Variants in ROCK2 observed in about 807,000 individuals in gnomAD.
ROCK2 encodes Rho associated coiled-coil containing protein kinase 2.
A neutral mutation model predicts 195.1 loss-of-function variants in ROCK2; 61 were observed. The ratio of observed to expected loss-of-function variants is 0.31; its 90% CI spans 0.25 to 0.39. ROCK2 has a LOEUF of 0.39. Among genes scored for constraint, ROCK2 ranks in the 10% least tolerant of loss-of-function variants. The probability of loss-of-function intolerance (pLI) is 1.00; values close to 1 mark genes in which losing one functional copy is unlikely to be tolerated. For synonymous variants in ROCK2, 504 were observed against 545.5 expected (o/e 0.92, Z 1.06); for missense variants, 1,109 against 1,637.4 (o/e 0.68, Z 5.57).
At chr2:11,330,489 C>T (rs1224495018) in intron 1 of ROCK2, among the ~76,000 whole-genome samples, 1 of 152,070 alleles carries the variant, frequency 6.6e-6, no homozygotes, top group African/African-American at 2.4e-5. Context: ...ACAGGGATTT[C>T]AACATACAAA....
At chr2:11,212,833 T>TA (rs1234517393) in intron 17 of ROCK2, among the ~76,000 whole-genome samples, 1 of 152,138 alleles carries the variant, frequency 6.6e-6, no homozygotes, top group Admixed American at 6.5e-5. Flanking sequence ...TTCAGCTACT[T>TA]ACATACCAAT....
chr2:11,208,726 C>T (rs1664145608), intron 18 of ROCK2, among the ~76,000 whole-genome samples: 2 of 151,448 alleles, frequency 1.3e-5, no homozygotes, highest in South Asian at 2.1e-4. Context: ...AGACATAACT[C>T]GGATTACAGG....
chr2:11,200,819 G>T, intron 23 of ROCK2, 138 bp downstream of exon 23: 1 of 624,860 alleles, frequency 1.6e-6, no homozygotes, highest in Non-Finnish European at 2.5e-6. Flanking sequence ...TGAGAAGGTG[G>T]CAGTTAACTA....
At chr2:11,284,940 T>A (rs941964459) in intron 3 of ROCK2, among the ~76,000 whole-genome samples, 4 of 152,192 alleles carry the variant, frequency 2.6e-5, no homozygotes, top group African/African-American at 9.7e-5. Context: ...TTCAACGTGC[T>A]ACCATTGCTC....
chr2:11,210,070 T>G (rs1039553506), intron 18 of ROCK2, among the ~76,000 whole-genome samples: 1 of 152,206 alleles, frequency 6.6e-6, no homozygotes, highest in Non-Finnish European at 1.5e-5. Context: ...ACCAAAGGCT[T>G]TAGCCTCAGA....
chr2:11,236,545 G>A (rs1268470031), intron 4 of ROCK2, among the ~76,000 whole-genome samples: 1 of 152,096 alleles, frequency 6.6e-6, no homozygotes, highest in African/African-American at 2.4e-5. Flanking sequence ...TCAGTTTACT[G>A]AGACTATAGC....
intron 32 of ROCK2, among the ~76,000 whole-genome samples, chr2:11,189,660 A>G (rs757484233): frequency 5.3e-5 from 8 of 152,158 alleles, no homozygotes; most frequent in African/African-American, 1.2e-4. Context: ...TTCAATTTGT[A>G]TAAGTGACTC....
chr2:11,202,100 C>A lies in ROCK2; in HGVS notation c.2571G>T (p.Gly857=). The change falls in exon 21 of 33, where the codon GGG becomes GGT. Residue 857 remains glycine, a synonymous_variant. Coordinates refer to ENST00000315872, the MANE Select transcript of ROCK2 (RefSeq NM_004850.5). ...GCTGATCCTGGAGCTCTTTCATTTG[C>A]CCATCTGCATCCTGACGTTCTCTGT... is the stretch of plus-strand genomic sequence containing the variant. ...ELRKERQDAD[G]QMKELQDQLE... 1 of 1,613,578 alleles carries A rather than the reference C, an allele frequency of 6.2e-7. No individual in the cohort carries two copies. The highest frequency in any genetic ancestry group is 2.2e-5 in the East Asian group (1 of 44,872).
intron 5 of ROCK2, among the ~76,000 whole-genome samples, chr2:11,232,109 A>G (rs1033524329): frequency 2.7e-5 from 4 of 150,692 alleles, no homozygotes; most frequent in African/African-American, 9.7e-5. Context: ...TAAGTGGATG[A>G]GAATAAAACT....
At chr2:11,312,244 C>A (rs959965806) in intron 1 of ROCK2, among the ~76,000 whole-genome samples, 1 of 152,038 alleles carries the variant, frequency 6.6e-6, no homozygotes, top group Non-Finnish European at 1.5e-5. Flanking sequence ...TTCTTTTAAA[C>A]TCTAAGCTTC....
At chr2:11,300,820 A>C (rs968800044) in intron 1 of ROCK2, among the ~76,000 whole-genome samples, 1 of 152,126 alleles carries the variant, frequency 6.6e-6, no homozygotes, top group Non-Finnish European at 1.5e-5. Context: ...GAGTGGACCT[A>C]CTCAATGAGA....
At chr2:11,200,627 T>C (rs1013802368) in intron 23 of ROCK2, among the ~76,000 whole-genome samples, 7 of 152,170 alleles carry the variant, frequency 4.6e-5, no homozygotes, top group Non-Finnish European at 8.8e-5. Flanking sequence ...ATTTGACCTC[T>C]CTCTGAAATT....
chr2:11,251,795 A>C (rs1665839069), intron 3 of ROCK2, among the ~76,000 whole-genome samples: 1 of 152,194 alleles, frequency 6.6e-6, no homozygotes, highest in African/African-American at 2.4e-5. Flanking sequence ...AGAATCTACA[A>C]GGAACTTAAA....
chr2:11,256,475 G>C (rs1666039749), intron 3 of ROCK2, among the ~76,000 whole-genome samples: 1 of 151,404 alleles, frequency 6.6e-6, no homozygotes, highest in South Asian at 2.1e-4. Context: ...ACGGCCTGCA[G>C]AACTGTGAGT....
intron 23 of ROCK2, among the ~76,000 whole-genome samples, chr2:11,200,298 A>C (rs1386221892): frequency 1.3e-5 from 2 of 152,152 alleles, no homozygotes; most frequent in African/African-American, 2.4e-5. Context: ...TGATAGCTTA[A>C]AATTTTTATT....
At chr2:11,231,105 A>C (rs1367992513) in intron 5 of ROCK2, among the ~76,000 whole-genome samples, 3 of 152,156 alleles carry the variant, frequency 2.0e-5, no homozygotes, top group Non-Finnish European at 2.9e-5. Flanking sequence ...GCTACCAGTT[A>C]GCTTTTAAAA....
At position 11,266,943 on chromosome 2, in the gene ROCK2, A is replaced by G. The variant is rs1666437194; in HGVS notation, c.325-17145T>C. Among the ~76,000 whole-genome samples, 4 of 152,198 alleles carry G rather than the reference A, an allele frequency of 2.6e-5. No individual in the cohort carries two copies. The South Asian group carries it at 8.3e-4, about 32-fold the overall frequency. Reference sequence around the variant, plus strand: ...GCCAAAACAAATTTTGAGATGAAAAATTAATGATAAAAACAAAAATAAAAG... The same window carrying G: ...GCCAAAACAAATTTTGAGATGAAAAGTTAATGATAAAAACAAAAATAAAAG... On this transcript the variant is annotated intron_variant, in intron 3 of 32. Transcript: ENST00000315872.
chr2:11,187,390 T>TA (rs1216727898), intron 32 of ROCK2, among the ~76,000 whole-genome samples: 1 of 152,234 alleles, frequency 6.6e-6, no homozygotes. Flanking sequence ...GTTAGTCACT[T>TA]ACTAATGGTC....
At chr2:11,279,950 C>G (rs1187386694) in intron 3 of ROCK2, among the ~76,000 whole-genome samples, 1 of 152,084 alleles carries the variant, frequency 6.6e-6, no homozygotes, top group Non-Finnish European at 1.5e-5. Context: ...AAGAAGGAAT[C>G]TCATGAGAAA....
Sources: allele counts gnomAD v4.1 joint callset (sites outside exome capture counted in the v4.1 genomes callset), GRCh38; gene constraint gnomAD v4.1.1; transcripts MANE v1.5; gene names NCBI Gene and HGNC (gene_info 2026-07-23, HGNC 2026-07-21).